The following BLTP3B variants were observed in gnomAD, a reference collection of about 807,000 sequenced individuals.
The protein encoded by BLTP3B is bridge-like lipid transfer protein family member 3B.
At chr12:100,048,254 T>G in the BLTP3B span, 2 of 1,514,144 alleles carry the variant, frequency 1.3e-6, no homozygotes, top group Non-Finnish European at 8.8e-7. Context: ...ATTACAATTA[T>G]GTGCCATGTA....
chr12:100,047,593 C>A, the BLTP3B span: 1 of 1,613,662 alleles, frequency 6.2e-7, no homozygotes, highest in Non-Finnish European at 8.5e-7. Flanking sequence ...TGTACAGTTA[C>A]AGGAGCTGGT....
chr12:100,137,871 T>C, the BLTP3B span, among the ~76,000 whole-genome samples: 3 of 152,150 alleles, frequency 2.0e-5, no homozygotes, highest in East Asian at 1.9e-4. Flanking sequence ...TAACTCAAAA[T>C]AGCCCTCTCC....
chr12:100,142,500 C>T, the BLTP3B span: 1 of 1,418,364 alleles, frequency 7.1e-7, no homozygotes. Flanking sequence ...CCCGCACAGC[C>T]GCCAGGCGCC....
chr12:100,128,447 G>A, the BLTP3B span: 2,171 of 667,658 alleles, frequency 3.3e-3, 45 homozygotes, highest in African/African-American at 0.039. Context: ...TAGCTACATA[G>A]TAAAGAAAAT....
chr12:100,115,025 T>C, the BLTP3B span, among the ~76,000 whole-genome samples: 1 of 152,126 alleles, frequency 6.6e-6, no homozygotes, highest in Admixed American at 6.6e-5. Context: ...ACACTATACA[T>C]AACAATTTCG....
the BLTP3B span, among the ~76,000 whole-genome samples, chr12:100,112,434 G>A: frequency 6.6e-6 from 1 of 152,172 alleles, no homozygotes; most frequent in East Asian, 1.9e-4. Flanking sequence ...TTGAGCCTGG[G>A]AGGTCAAGGC....
At chr12:100,072,662 A>T in the BLTP3B span, 11 of 1,492,152 alleles carry the variant, frequency 7.4e-6, no homozygotes, top group Middle Eastern at 1.8e-3. Flanking sequence ...ATAATTAAAA[A>T]CTCTCTTACT....
At chr12:100,133,265 CAAATAAAACCTGTCTTTTA>C in the BLTP3B span, among the ~76,000 whole-genome samples, 5 of 151,940 alleles carry the variant, frequency 3.3e-5, no homozygotes, top group Admixed American at 1.3e-4. Flanking sequence ...AATAAATAAA[CAAATAAAACCTGTCTTTTA>C]AAATAAATTA....
At chr12:100,118,638 CTAATAG>C in the BLTP3B span, among the ~76,000 whole-genome samples, 6 of 152,030 alleles carry the variant, frequency 3.9e-5, no homozygotes, top group Admixed American at 3.9e-4. Context: ...ATGTAAAATG[CTAATAG>C]TAAGAGAGAC....
chr12:100,111,600 TTTG>T, the BLTP3B span, among the ~76,000 whole-genome samples: 4 of 151,776 alleles, frequency 2.6e-5, no homozygotes, highest in African/African-American at 4.8e-5. Flanking sequence ...TTTGTTTTTT[TTTG>T]TTTGTTTGTT....
the BLTP3B span, among the ~76,000 whole-genome samples, chr12:100,129,288 G>A: frequency 6.6e-6 from 1 of 151,974 alleles, no homozygotes; most frequent in African/African-American, 2.4e-5. Flanking sequence ...CATAGTGGGG[G>A]GAGAAAAGCT....
At chr12:100,127,976 G>C in the BLTP3B span, among the ~76,000 whole-genome samples, 2 of 152,016 alleles carry the variant, frequency 1.3e-5, no homozygotes, top group Non-Finnish European at 2.9e-5. Context: ...CTGCACTACT[G>C]CACTCTAGCC....
chr12:100,058,414 T>C, the BLTP3B span: 7 of 1,613,054 alleles, frequency 4.3e-6, no homozygotes, highest in Admixed American at 6.7e-5. Flanking sequence ...TGCAGATTTG[T>C]ATCACTAGCT....
chr12:100,084,378 T>TCA, the BLTP3B span: 8,716 of 663,492 alleles, frequency 0.013, 66 homozygotes, highest in East Asian at 0.016. Context: ...AATACTATGA[T>TCA]CACACACACA....
At chr12:100,085,080 G>C in the BLTP3B span, among the ~76,000 whole-genome samples, 4 of 152,180 alleles carry the variant, frequency 2.6e-5, no homozygotes, top group African/African-American at 9.7e-5. Context: ...ATAAGATGAT[G>C]ATGATTAAAA....
At chr12:100,092,115 T>A in the BLTP3B span, among the ~76,000 whole-genome samples, 1 of 152,216 alleles carries the variant, frequency 6.6e-6, no homozygotes, top group South Asian at 2.1e-4. Context: ...ATAATGTTAA[T>A]AACTCTTAAT....
At chr12:100,103,099 G>T in the BLTP3B span, among the ~76,000 whole-genome samples, 1 of 151,948 alleles carries the variant, frequency 6.6e-6, no homozygotes, top group African/African-American at 2.4e-5. Flanking sequence ...ACAGGTGTTG[G>T]GGGGTGGGGA....
the BLTP3B span, chr12:100,047,953 A>G: frequency 6.7e-7 from 1 of 1,485,916 alleles, no homozygotes. Context: ...TTTTAAATTT[A>G]TTTTCGTGTT....
chr12:100,102,889 ATTAT>A, the BLTP3B span: 1 of 1,288,556 alleles, frequency 7.8e-7, no homozygotes, highest in Non-Finnish European at 1.1e-6. Context: ...AAACAATTAG[ATTAT>A]TTATTCTACG....
Sources: gnomAD v4.1 joint callset for allele counts (sites outside exome capture counted in the v4.1 genomes callset) on GRCh38, gnomAD v4.1.1 for gene constraint, MANE v1.5 for transcripts, NCBI Gene and HGNC (gene_info 2026-07-23, HGNC 2026-07-21) for gene names.